The following NCEH1 variants were observed in gnomAD, a reference collection of about 807,000 sequenced individuals.
NCEH1 encodes the protein neutral cholesterol ester hydrolase 1.
NCEH1 carries 9 observed loss-of-function variants against 25.4 expected under a neutral mutation model. That is an observed-to-expected ratio of 0.35 (90% CI 0.21 to 0.62). NCEH1 has a LOEUF of 0.62. Ranked by LOEUF, NCEH1 falls within the 20% of genes least tolerant of loss-of-function variation. The pLI, the probability that NCEH1 is intolerant of heterozygous loss-of-function variation, is 0.72. For missense variants in NCEH1, 412 were observed against 501.1 expected, an observed-to-expected ratio of 0.82 and a Z score of 1.70; for synonymous variants, 200 against 199.8, an observed-to-expected ratio of 1.00 and a Z score of -0.01.
intron 3 of NCEH1, among the ~76,000 whole-genome samples, chr3:172,641,587 G>A (rs188597780): frequency 5.6e-4 from 85 of 152,358 alleles, no homozygotes; most frequent in Non-Finnish European, 1.1e-3. Context: ...AAGGCAAGGA[G>A]CTGCTGGCTC....
chr3:172,660,289 T>TA (rs1284305487), intron 1 of NCEH1, among the ~76,000 whole-genome samples: 1 of 152,204 alleles, frequency 6.6e-6, no homozygotes, highest in African/African-American at 2.4e-5. Flanking sequence ...TCCATGTCCC[T>TA]ACAAAGGACA....
chr3:172,654,662 C>T (rs1490254315), intron 1 of NCEH1, among the ~76,000 whole-genome samples: 1 of 152,188 alleles, frequency 6.6e-6, no homozygotes, highest in African/African-American at 2.4e-5. Flanking sequence ...ACTGATAACC[C>T]ATACACATCA....
intron 1 of NCEH1, among the ~76,000 whole-genome samples, chr3:172,691,776 C>A (rs1297643000): frequency 6.6e-6 from 1 of 152,234 alleles, no homozygotes; most frequent in African/African-American, 2.4e-5. Flanking sequence ...GGTGAAACTC[C>A]ATCTCTACTA....
At chr3:172,701,064 T>A (rs1315733793) in intron 1 of NCEH1, among the ~76,000 whole-genome samples, 1 of 152,128 alleles carries the variant, frequency 6.6e-6, no homozygotes, top group Non-Finnish European at 1.5e-5. Flanking sequence ...CCAAACACAT[T>A]CATTTCAACT....
At chr3:172,634,529 C>T (rs1430747245) in intron 4 of NCEH1, among the ~76,000 whole-genome samples, 1 of 152,196 alleles carries the variant, frequency 6.6e-6, no homozygotes, top group African/African-American at 2.4e-5. Flanking sequence ...GATTATGAGA[C>T]TCCTGAGTGT....
At chr3:172,640,749 C>T (rs367612068) in intron 3 of NCEH1, among the ~76,000 whole-genome samples, 8 of 152,094 alleles carry the variant, frequency 5.3e-5, no homozygotes, top group South Asian at 2.1e-4. Context: ...CCTCGTGATC[C>T]GCTCGCCTCA....
At chr3:172,664,299 C>G (rs1718102040) in intron 1 of NCEH1, among the ~76,000 whole-genome samples, 1 of 152,224 alleles carries the variant, frequency 6.6e-6, no homozygotes, top group African/African-American at 2.4e-5. Flanking sequence ...CCACTCTCGT[C>G]TGGCTTGTAG....
intron 1 of NCEH1, among the ~76,000 whole-genome samples, chr3:172,706,499 CTT>C (rs768288361): frequency 1.2e-4 from 15 of 126,448 alleles, no homozygotes; most frequent in Admixed American, 4.7e-4. Flanking sequence ...TTACATTTTT[CTT>C]TTTTTTTTTT....
At chr3:172,661,211 C>A (rs1717956272) in intron 1 of NCEH1, among the ~76,000 whole-genome samples, 1 of 152,202 alleles carries the variant, frequency 6.6e-6, no homozygotes, top group South Asian at 2.1e-4. Context: ...GTTTTCCCAG[C>A]ACCATTTATT....
At position 172,643,527 on chromosome 3, in the gene NCEH1, T is replaced by C. The variant is rs576967530; in HGVS notation, c.437+2096A>G. Among the ~76,000 whole-genome samples, 3 of 152,314 alleles carry C rather than the reference T, an allele frequency of 2.0e-5. No individual in the cohort carries two copies. The East Asian group carries it at 5.8e-4, about 29-fold the overall frequency. On this transcript the variant is annotated intron_variant, in intron 3 of 4. Transcript: ENST00000475381. ...ACCATGTTGTATAGATTAGGAACAA[T>C]GCAAAGTTTAAATCAAAGCAGTCCC...
chr3:172,639,869 G>T lies in NCEH1; in HGVS notation c.438-3782C>A, dbSNP rs73038654. 4.8e-3 allele frequency among the ~76,000 whole-genome samples: 730 copies of T among 152,258 alleles called. 5 individuals are homozygous for T. The highest frequency in any genetic ancestry group is 0.017 in the African/African-American group (704 of 41,530). On this transcript the variant is annotated intron_variant, in intron 3 of 4. Transcript: ENST00000475381. ...GTACCTTGCCAAATGTTCTACAGAC[G>T]TATGTCACTCAAATCTCAAGCAAAC... is the stretch of plus-strand genomic sequence containing the variant.
chr3:172,706,913 T>C (rs565481185), intron 1 of NCEH1, among the ~76,000 whole-genome samples: 231 of 152,368 alleles, frequency 1.5e-3, no homozygotes, highest in Non-Finnish European at 2.6e-3. Context: ...TTTTGTTTTT[T>C]TTCTTTGTCT....
chr3:172,653,421 A>G (rs1269038453), intron 1 of NCEH1, among the ~76,000 whole-genome samples: 2 of 152,234 alleles, frequency 1.3e-5, no homozygotes, highest in Non-Finnish European at 2.9e-5. Context: ...AGTATACCCT[A>G]TGGGCAGAGA....
intron 1 of NCEH1, among the ~76,000 whole-genome samples, chr3:172,677,659 C>T (rs977836348): frequency 1.3e-5 from 2 of 151,024 alleles, no homozygotes; most frequent in South Asian, 2.1e-4. Flanking sequence ...GGCGGGGGGG[C>T]GGCTCACGCC....
chr3:172,641,298 G>A (rs545184509), intron 3 of NCEH1, among the ~76,000 whole-genome samples: 97 of 152,088 alleles, frequency 6.4e-4, no homozygotes, highest in Non-Finnish European at 1.2e-3. Flanking sequence ...ATAGTATAGC[G>A]TTGTAGAAGC....
At chr3:172,656,605 A>G (rs933488295) in intron 1 of NCEH1, among the ~76,000 whole-genome samples, 4 of 152,140 alleles carry the variant, frequency 2.6e-5, no homozygotes, top group African/African-American at 9.7e-5. Context: ...TCTGTACTAA[A>G]AAATACAAAA....
At chr3:172,641,710 C>T (rs1469241701) in intron 3 of NCEH1, among the ~76,000 whole-genome samples, 2 of 152,134 alleles carry the variant, frequency 1.3e-5, no homozygotes, top group Admixed American at 6.5e-5. Flanking sequence ...GTCGTCCCTC[C>T]GTCTGTCTTC....
chr3:172,697,207 G>A (rs982738445), intron 1 of NCEH1, among the ~76,000 whole-genome samples: 1 of 152,040 alleles, frequency 6.6e-6, no homozygotes, highest in Non-Finnish European at 1.5e-5. Flanking sequence ...AGGGTAACGG[G>A]CGTGAGCCAC....
intron 3 of NCEH1, among the ~76,000 whole-genome samples, chr3:172,638,566 T>G (rs893890375): frequency 6.6e-6 from 1 of 151,468 alleles, no homozygotes; most frequent in Non-Finnish European, 1.5e-5. Flanking sequence ...GTCTCAATTT[T>G]TAATCTTCAG....
Sources: allele counts gnomAD v4.1 joint callset (sites outside exome capture counted in the v4.1 genomes callset), GRCh38; gene constraint gnomAD v4.1.1; transcripts MANE v1.5; gene names NCBI Gene and HGNC (gene_info 2026-07-23, HGNC 2026-07-21).